Variants in MGST1 observed in about 807,000 individuals in gnomAD.
The protein encoded by MGST1 is glutathione S-transferase 12.
A neutral mutation model predicts 8.9 loss-of-function variants in MGST1; 5 were observed. That is an observed-to-expected ratio of 0.56 (90% CI 0.29 to 1.19). MGST1 has a LOEUF of 1.19. Ranked by LOEUF, MGST1 falls within the 50% of genes most tolerant of loss-of-function variation. MGST1 has a pLI of 0.08. For missense variants in MGST1, 182 were observed against 187.4 expected (o/e 0.97, Z 0.17); for synonymous variants, 54 against 67.8 (o/e 0.80, Z 1.00).
downstream of MGST1, among the ~76,000 whole-genome samples, chr12:16,439,804 C>G (rs1941024139): frequency 6.6e-6 from 1 of 151,616 alleles, no homozygotes; most frequent in Non-Finnish European, 1.5e-5. Flanking sequence ...CAATTAGAAA[C>G]CTTACTCATA....
intron 4 of MGST1, among the ~76,000 whole-genome samples, chr12:16,536,286 G>C (rs1271516803): frequency 6.6e-6 from 1 of 152,142 alleles, no homozygotes; most frequent in African/African-American, 2.4e-5. Context: ...CTGTAACACT[G>C]ATATATTACC....
At chr12:16,524,546 C>G (rs1407055315) in intron 4 of MGST1, among the ~76,000 whole-genome samples, 1 of 152,010 alleles carries the variant, frequency 6.6e-6, no homozygotes, top group Non-Finnish European at 1.5e-5. Flanking sequence ...ATCAGTTCAT[C>G]AAGTCCAAGT....
intron 4 of MGST1, among the ~76,000 whole-genome samples, chr12:16,579,391 T>A (rs1223546599): frequency 6.6e-6 from 1 of 152,184 alleles, no homozygotes; most frequent in African/African-American, 2.4e-5. Flanking sequence ...ATGCCACTGA[T>A]GAGAAACAAT....
chr12:16,520,457 A>AT (rs148123687), intron 4 of MGST1, among the ~76,000 whole-genome samples: 7,026 of 152,162 alleles, frequency 0.046, 420 homozygotes, highest in East Asian at 0.14. Flanking sequence ...ACTCAGGGCA[A>AT]TTTTCAAGAA....
At chr12:16,564,507 T>C (rs955379288) in intron 4 of MGST1, among the ~76,000 whole-genome samples, 1 of 152,188 alleles carries the variant, frequency 6.6e-6, no homozygotes, top group African/African-American at 2.4e-5. Context: ...ATAGCAATAA[T>C]GAATGTGGTT....
In MGST1 at chr12:16,587,037, A is replaced by G. The variant is rs140364357; in HGVS notation, n.483-2491A>G. ...TCCAACATATCTCGTCACATCTCAT[A>G]TTTGGTTATTTTCCTTCTCAAAAGG... On this transcript the variant is annotated intron_variant and non_coding_transcript_variant, in intron 4 of 4. Transcript: ENST00000538857. The surrounding 1 kb of genome is among the most constrained non-coding windows in gnomAD (Gnocchi z 4.3). Among the ~76,000 whole-genome samples the G allele has an allele frequency of 3.9e-5, 6 of 152,246 alleles. No individual in the cohort carries two copies. The highest frequency in any genetic ancestry group is 8.8e-5 in the Non-Finnish European group (6 of 68,016).
rs2137002446 is a variant in MGST1, at chr12:16,364,161, A to G, written c.*120A>G. 7.2e-7 allele frequency: 1 copy of G among 1,395,650 alleles called. No homozygotes were observed. Among genetic ancestry groups the G allele is most frequent in the South Asian group, 1.8e-5 (1 of 54,652 alleles). 86.5% of individuals were successfully genotyped at this position (1,395,650 alleles called of 1,614,324 possible). The stretch of plus-strand genomic sequence containing the variant: ...AGCAGAGGAATTATGAACTGGGGTA[A>G]ACCCATTTTGAATATTAGCATTGCC... On this transcript the variant is annotated 3_prime_UTR_variant, in exon 4 of 4. Transcript: ENST00000396210. This position sits in a 1 kb window ranked among gnomAD's most constrained non-coding sequence, Gnocchi z 5.7.
intron 4 of MGST1, among the ~76,000 whole-genome samples, chr12:16,523,876 G>A (rs539593293): frequency 1.7e-4 from 26 of 152,130 alleles, no homozygotes; most frequent in South Asian, 6.2e-4. Flanking sequence ...CATATTGTCC[G>A]GTGAAGTAAC....
At chr12:16,377,828 G>C (rs1379571787), downstream of MGST1, among the ~76,000 whole-genome samples, 6 of 150,398 alleles carry the variant, frequency 4.0e-5, no homozygotes, top group East Asian at 1.2e-3. Flanking sequence ...ACTTTCTAAT[G>C]ATCGCCATTC....
At chr12:16,399,956 C>T in intron 1 of MGST1, 2 of 1,324,494 alleles carry the variant, frequency 1.5e-6, no homozygotes, top group South Asian at 1.2e-5. Context: ...ATAGCATTTA[C>T]CAGCGCACTA....
chr12:16,464,780 C>G (rs562680528), intron 4 of MGST1, among the ~76,000 whole-genome samples: 4 of 152,326 alleles, frequency 2.6e-5, no homozygotes, highest in Non-Finnish European at 4.4e-5. Flanking sequence ...CATCTTGTGG[C>G]CCCTCCATGC....
chr12:16,414,359 T>A (rs1272763923), intron 1 of MGST1, among the ~76,000 whole-genome samples: 3 of 32,564 alleles, frequency 9.2e-5, no homozygotes, highest in Non-Finnish European at 2.4e-4. Context: ...CCTGATTTCT[T>A]TTTTTTTTTT....
At chr12:16,356,744 A>G (rs966577815) in intron 2 of MGST1, among the ~76,000 whole-genome samples, 8 of 152,312 alleles carry the variant, frequency 5.3e-5, no homozygotes, top group African/African-American at 1.7e-4. Flanking sequence ...AGCTTCTCAA[A>G]TTTCATTATA....
At chr12:16,588,487 G>T (rs184385464) in intron 4 of MGST1, among the ~76,000 whole-genome samples, 67 of 152,050 alleles carry the variant, frequency 4.4e-4, no homozygotes, top group Non-Finnish European at 7.4e-4. Flanking sequence ...CAAGGCCATA[G>T]AACTTTTATA....
At chr12:16,425,698 A>C (rs1218923657) in intron 1 of MGST1, among the ~76,000 whole-genome samples, 1 of 152,174 alleles carries the variant, frequency 6.6e-6, no homozygotes, top group African/African-American at 2.4e-5. Context: ...GCAGCTGCTC[A>C]AGAACATGCA....
intron 4 of MGST1, among the ~76,000 whole-genome samples, chr12:16,532,846 T>C (rs1941730974): frequency 6.6e-6 from 1 of 152,186 alleles, no homozygotes; most frequent in Non-Finnish European, 1.5e-5. Context: ...AACTAAAACA[T>C]GGCTCTTTTG....
intron 4 of MGST1, among the ~76,000 whole-genome samples, chr12:16,453,560 G>T (rs1334057887): frequency 6.6e-6 from 1 of 151,850 alleles, no homozygotes; most frequent in East Asian, 1.9e-4. Flanking sequence ...GTTTCTTAGG[G>T]CTGCTGTAAC....
chr12:16,502,723 G>A (rs1941512375), intron 4 of MGST1, among the ~76,000 whole-genome samples: 1 of 152,130 alleles, frequency 6.6e-6, no homozygotes, highest in Non-Finnish European at 1.5e-5. Flanking sequence ...AATAGAAACA[G>A]CACCCTCCTC....
intron 4 of MGST1, among the ~76,000 whole-genome samples, chr12:16,444,532 A>G (rs1046154893): frequency 1.3e-5 from 2 of 151,908 alleles, no homozygotes; most frequent in Admixed American, 1.3e-4. Flanking sequence ...TAACTCCTAC[A>G]TGTGACTTCA....
Sources: allele counts gnomAD v4.1 joint callset (sites outside exome capture counted in the v4.1 genomes callset), GRCh38; gene constraint gnomAD v4.1.1; non-coding constraint Gnocchi (gnomAD v3.1); transcripts MANE v1.5; gene names NCBI Gene and HGNC (gene_info 2026-07-23, HGNC 2026-07-21).